EVC2: variants seen among roughly 807,000 people sequenced by gnomAD.
EVC2 encodes limbin.
Under a neutral mutation model 149.3 loss-of-function variants are expected in EVC2, and 148 were observed. The observed-to-expected ratio is 0.99, with a 90% CI of 0.87 to 1.14. The LOEUF is 1.14. EVC2 is among the 50% of genes most tolerant of loss of function. The pLI, the probability that EVC2 is intolerant of heterozygous loss-of-function variation, is 0.00. For missense variants in EVC2, 1,854 were observed against 1,627.3 expected, an observed-to-expected ratio of 1.14 and a Z score of -2.40; for synonymous variants, 776 against 649.9, an observed-to-expected ratio of 1.19 and a Z score of -2.95.
At chr4:5,664,832 C>A (rs1005421898) in intron 8 of EVC2, among the ~76,000 whole-genome samples, 1 of 152,188 alleles carries the variant, frequency 6.6e-6, no homozygotes, top group African/African-American at 2.4e-5. Flanking sequence ...GGGATCACTT[C>A]CCACATAAGC....
Position 5,618,628 on chromosome 4 carries a change from C to T in EVC2, c.2556G>A (p.Arg852=), listed in dbSNP as rs762781823. 9 of 1,612,502 alleles carry T rather than the reference C, an allele frequency of 5.6e-6. No individual in the cohort carries two copies. In the African/African-American group the frequency reaches 1.1e-4, roughly 19 times the overall value. The change falls in exon 15 of 22, where the codon AGG becomes AGA. Residue 852 remains arginine, a synonymous_variant. Transcript: ENST00000344408. This position sits in a 1 kb window ranked among gnomAD's most constrained non-coding sequence, Gnocchi z 4.4. ...GAGCAAAGCAGCCATGGACCTCCTG[C>T]CTCATCCTGAGCAGCTCCTCTTCAG... ...SLSEEELLRM[R]QEVHGCFAQM... is the part of the protein sequence containing the mutation.
chr4:5,702,170 T>A (rs1577275659), intron 1 of EVC2, among the ~76,000 whole-genome samples: 1 of 152,110 alleles, frequency 6.6e-6, no homozygotes, highest in African/African-American at 2.4e-5. Flanking sequence ...CCCCACTCCA[T>A]TCGGGGATCC....
intron 12 of EVC2, among the ~76,000 whole-genome samples, chr4:5,627,798 CTTAG>C (rs2108845989): frequency 6.6e-6 from 1 of 152,256 alleles, no homozygotes; most frequent in African/African-American, 2.4e-5. Flanking sequence ...TGTATTTATA[CTTAG>C]TGTCAAAGGT....
At chr4:5,616,117 C>T (rs1458010816) in intron 15 of EVC2, among the ~76,000 whole-genome samples, 2 of 152,140 alleles carry the variant, frequency 1.3e-5, no homozygotes. Flanking sequence ...GATGTCAAGC[C>T]GGTAGCCTGA....
intron 16 of EVC2, among the ~76,000 whole-genome samples, chr4:5,591,895 C>A (rs1240074393): frequency 6.6e-6 from 1 of 152,104 alleles, no homozygotes; most frequent in South Asian, 2.1e-4. Context: ...ACTCTTTAAA[C>A]GAGAAGTTCA....
intron 16 of EVC2, among the ~76,000 whole-genome samples, chr4:5,589,138 C>T (rs952067440): frequency 6.6e-6 from 1 of 152,206 alleles, no homozygotes. Context: ...AATTATTGAG[C>T]TTTGTTCTGA....
At chr4:5,556,556 G>T (rs1721844515) in intron 21 of EVC2, among the ~76,000 whole-genome samples, 2 of 151,736 alleles carry the variant, frequency 1.3e-5, no homozygotes, top group African/African-American at 4.8e-5. Context: ...GTAACTTAAG[G>T]CCAAAGCAAT....
chr4:5,647,847 A>C (rs1488268111), intron 9 of EVC2, among the ~76,000 whole-genome samples: 1 of 152,230 alleles, frequency 6.6e-6, no homozygotes, highest in Non-Finnish European at 1.5e-5. Context: ...TAAAATAGGA[A>C]AACAGGCAGA....
At chr4:5,687,593 C>G (rs770187548) in intron 5 of EVC2, among the ~76,000 whole-genome samples, 1 of 152,056 alleles carries the variant, frequency 6.6e-6, no homozygotes, top group Non-Finnish European at 1.5e-5. Context: ...GGGCAAGGGA[C>G]TGGGTAGGGC....
At chr4:5,620,125 C>A (rs933640325) in intron 14 of EVC2, among the ~76,000 whole-genome samples, 1 of 152,186 alleles carries the variant, frequency 6.6e-6, no homozygotes, top group South Asian at 2.1e-4. Context: ...TCATGTGACA[C>A]CCGTCTTGGG....
Position 5,613,571 on chromosome 4 carries a change from C to G in EVC2, c.2829+1851G>C, listed in dbSNP as rs986574925. On this transcript the variant is annotated intron_variant, in intron 16 of 21. Transcript: ENST00000344408. This position sits in a 1 kb window ranked among gnomAD's most constrained non-coding sequence, Gnocchi z 4.6. ...AATAAACTGGGACAGCTTGGCTTAC[C>G]TCTCTCGCTTCTCTTTGGGACCCCA... 5.3e-5 allele frequency among the ~76,000 whole-genome samples: 8 copies of G among 152,134 alleles called. No homozygotes were observed. Among genetic ancestry groups the G allele is most frequent in the Non-Finnish European group, 1.0e-4 (7 of 68,012 alleles).
At chr4:5,652,553 C>T (rs554646025) in intron 9 of EVC2, among the ~76,000 whole-genome samples, 31 of 152,228 alleles carry the variant, frequency 2.0e-4, no homozygotes, top group African/African-American at 6.3e-4. Context: ...CTCATGCAAA[C>T]GGTAGGCAGC....
chr4:5,675,397 ATCC>A (rs1353575748), intron 7 of EVC2, among the ~76,000 whole-genome samples: 1 of 152,140 alleles, frequency 6.6e-6, no homozygotes, highest in Non-Finnish European at 1.5e-5. Flanking sequence ...TGCATGATAC[ATCC>A]TCCTCCTCCC....
At chr4:5,704,787 C>T (rs1214147341) in intron 1 of EVC2, among the ~76,000 whole-genome samples, 1 of 152,002 alleles carries the variant, frequency 6.6e-6, no homozygotes, top group Non-Finnish European at 1.5e-5. Context: ...CTCACTGCAT[C>T]CTCGAACTCC....
intron 9 of EVC2, among the ~76,000 whole-genome samples, chr4:5,643,782 G>T (rs1279988782): frequency 2.6e-5 from 4 of 152,160 alleles, no homozygotes; most frequent in Admixed American, 2.0e-4. Flanking sequence ...TTAGCCAGGT[G>T]TGGTGGCAGG....
At chr4:5,683,006 T>C (rs558059618) in intron 6 of EVC2, among the ~76,000 whole-genome samples, 1 of 152,276 alleles carries the variant, frequency 6.6e-6, no homozygotes, top group African/African-American at 2.4e-5. Flanking sequence ...AAATCCCCGA[T>C]CCATGCCCTA....
At chr4:5,603,981 T>C (rs928649994) in intron 16 of EVC2, among the ~76,000 whole-genome samples, 2 of 152,200 alleles carry the variant, frequency 1.3e-5, no homozygotes, top group African/African-American at 4.8e-5. Context: ...GGGATGGACA[T>C]GGAGAGGCCT....
At chr4:5,658,224 T>C (rs921175832) in intron 9 of EVC2, among the ~76,000 whole-genome samples, 1 of 152,194 alleles carries the variant, frequency 6.6e-6, no homozygotes, top group African/African-American at 2.4e-5. Flanking sequence ...CAAGAATCTG[T>C]TGGATTCATC....
chr4:5,586,411 C>G (rs1051367429), intron 16 of EVC2, among the ~76,000 whole-genome samples: 11 of 152,094 alleles, frequency 7.2e-5, no homozygotes, highest in African/African-American at 1.7e-4. Context: ...TCTAAGCCCC[C>G]CCTCAACCAT....
Sources: allele counts gnomAD v4.1 joint callset (sites outside exome capture counted in the v4.1 genomes callset), GRCh38; gene constraint gnomAD v4.1.1; non-coding constraint Gnocchi (gnomAD v3.1); transcripts MANE v1.5; gene names NCBI Gene and HGNC (gene_info 2026-07-23, HGNC 2026-07-21).